The following LAMA3 variants were observed in gnomAD, a reference collection of about 807,000 sequenced individuals.
LAMA3 encodes laminin subunit alpha-3.
In LAMA3, 281 loss-of-function variants were observed where a neutral mutation model predicts 402.0. The observed-to-expected ratio is 0.70, with a 90% confidence interval of 0.63 to 0.77. The LOEUF is 0.77. Ranked by LOEUF, LAMA3 falls within the 30% of genes least tolerant of loss-of-function variation. The probability of loss-of-function intolerance (pLI) is 0.00; values close to 1 mark genes in which losing one functional copy is unlikely to be tolerated. For missense variants in LAMA3, 3,840 were observed against 4,215.5 expected (o/e 0.91, Z 2.47); for synonymous variants, 1,431 against 1,558.4 (o/e 0.92, Z 1.93).
At chr18:23,933,603 C>T (rs972415304) in intron 66 of LAMA3, among the ~76,000 whole-genome samples, 179 bp from the exon 67 acceptor site, 2 of 152,104 alleles carry the variant, frequency 1.3e-5, no homozygotes, top group Non-Finnish European at 2.9e-5. Context: ...CTTGAGTCAC[C>T]CTATTGTGCT....
In LAMA3 at chr18:23,888,937, T is replaced by TAA. The variant is rs1568302545; in HGVS notation, c.5304-1074_5304-1073insAA. Among the ~76,000 whole-genome samples the TAA allele has an allele frequency of 1.5e-3, 126 of 83,678 alleles. 3 individuals are homozygous for TAA. In the South Asian group the frequency reaches 0.038, roughly 25 times the overall value. 54.9% of individuals were successfully genotyped at this position (83,678 alleles called of 152,430 possible). On this transcript the variant is annotated intron_variant, in intron 41 of 74. Transcript: ENST00000313654. The stretch of plus-strand genomic sequence containing the variant: ...AGCATGAATATGTGCTTATTTGACT[T>TAA]TAAAAAAAAAAAAAAATCAAAGAAT...
intron 12 of LAMA3, among the ~76,000 whole-genome samples, chr18:23,801,669 A>G (rs2062868484): frequency 6.6e-6 from 1 of 152,200 alleles, no homozygotes; most frequent in African/African-American, 2.4e-5. Flanking sequence ...CTAATAATGT[A>G]TAATAGTTTC....
In LAMA3 at chr18:23,828,851, A is replaced by G. The variant is rs566963359; in HGVS notation, c.2823+1384A>G. On this transcript the variant is annotated intron_variant, in intron 23 of 74. Coordinates refer to ENST00000313654, the MANE Select transcript of LAMA3 (RefSeq NM_198129.4). Reference sequence around the variant, plus strand: ...AAAACTTTTCAATTGGCTCTTTATCATATTTATTTTTTCTTGTCTTTTCTG... The same window carrying G: ...AAAACTTTTCAATTGGCTCTTTATCGTATTTATTTTTTCTTGTCTTTTCTG... Among the ~76,000 whole-genome samples the G allele has an allele frequency of 2.6e-4, 40 of 152,242 alleles. No individual in the cohort carries two copies. The South Asian group carries it at 8.3e-3, about 32-fold the overall frequency.
At chr18:23,877,820 T>A (rs1247194302) in intron 39 of LAMA3, among the ~76,000 whole-genome samples, 1 of 152,134 alleles carries the variant, frequency 6.6e-6, no homozygotes, top group African/African-American at 2.4e-5. Context: ...TAATTAAGAA[T>A]AAATACGTTG....
At position 23,918,398 on chromosome 18, in the gene LAMA3, CAT is replaced by C. The variant is rs562264913; in HGVS notation, c.7923+1704_7923+1705del. Among the ~76,000 whole-genome samples, 6 of 152,300 alleles carry C rather than the reference CAT, an allele frequency of 3.9e-5. No homozygotes were observed. The East Asian group carries it at 1.2e-3, about 29-fold the overall frequency. Reference sequence around the variant, plus strand: ...AGAATCTACTTATTCTGACCCAAAACATGTGAAAACTTCCTGGGATCTCTAAG... The same window carrying C: ...AGAATCTACTTATTCTGACCCAAAACGTGAAAACTTCCTGGGATCTCTAAG... On this transcript the variant is annotated intron_variant, in intron 60 of 74. Transcript: ENST00000313654. The surrounding 1 kb of genome is among the most constrained non-coding windows in gnomAD (Gnocchi z 4.1).
At position 23,850,677 on chromosome 18, in the gene LAMA3, A is replaced by G. The variant is rs77132324; in HGVS notation, c.4136+3009A>G. Among the ~76,000 whole-genome samples, 395 of 152,344 alleles carry G rather than the reference A, an allele frequency of 2.6e-3. 8 individuals are homozygous for G. In the East Asian group the frequency reaches 0.043, roughly 17 times the overall value. ...TATTGATCAAAACTTCATTTTTTTT[A>G]GCACAACAAGACAGCACATATATCT... On this transcript the variant is annotated intron_variant, in intron 32 of 74. Coordinates refer to ENST00000313654, the MANE Select transcript of LAMA3 (RefSeq NM_198129.4).
At chr18:23,786,302 A>G (rs2062544520) in intron 12 of LAMA3, among the ~76,000 whole-genome samples, 1 of 152,154 alleles carries the variant, frequency 6.6e-6, no homozygotes, top group Non-Finnish European at 1.5e-5. Flanking sequence ...GTTTGGGGCT[A>G]TGGTTTGTTT....
chr18:23,882,459 G>C (rs552451090), intron 40 of LAMA3, among the ~76,000 whole-genome samples: 4 of 151,860 alleles, frequency 2.6e-5, no homozygotes, highest in African/African-American at 9.7e-5. Context: ...GTGAAACCCC[G>C]TCTCTACTGA....
intron 67 of LAMA3, among the ~76,000 whole-genome samples, chr18:23,938,762 C>G (rs2082390627): frequency 6.6e-6 from 1 of 151,920 alleles, no homozygotes; most frequent in African/African-American, 2.4e-5. Context: ...CCAGGTGCGG[C>G]AGCTTTCAGA....
intron 1 of LAMA3, among the ~76,000 whole-genome samples, chr18:23,690,267 A>T (rs2060557632): frequency 6.6e-6 from 1 of 152,128 alleles, no homozygotes; most frequent in Non-Finnish European, 1.5e-5. Flanking sequence ...GCTCTAAGAG[A>T]TGCAGGCGCC....
At chr18:23,694,348 T>C (rs2060646296) in intron 1 of LAMA3, among the ~76,000 whole-genome samples, 2 of 152,158 alleles carry the variant, frequency 1.3e-5, no homozygotes, top group South Asian at 4.1e-4. Flanking sequence ...TGATACCAAA[T>C]ATAGGGGGCA....
At chr18:23,734,407 C>T (rs2061440152) in intron 2 of LAMA3, among the ~76,000 whole-genome samples, 1 of 152,216 alleles carries the variant, frequency 6.6e-6, no homozygotes, top group Admixed American at 6.5e-5. Flanking sequence ...TGGAGCAGAG[C>T]CCACCTTCAG....
Position 23,822,241 on chromosome 18 carries a change from G to T in LAMA3, c.2305-11G>T. On this transcript the variant is annotated splice_polypyrimidine_tract_variant and intron_variant, in intron 19 of 74. Transcript: ENST00000313654. ...TTTTTCTATGCTTTATGGCGTTTCG[G>T]TATTTTTCAGAATGATGTAAGAATA... is the stretch of plus-strand genomic sequence containing the variant. 5 of 1,613,814 alleles carry T rather than the reference G, an allele frequency of 3.1e-6. No individual in the cohort carries two copies. The highest frequency in any genetic ancestry group is 4.2e-6 in the Non-Finnish European group (5 of 1,179,810).
chr18:23,949,988 AT>A, intron 71 of LAMA3, 40 bp from the exon 72 acceptor site: 1 of 1,614,036 alleles, frequency 6.2e-7, no homozygotes, highest in Non-Finnish European at 8.5e-7. Flanking sequence ...GTTTTCTTTC[AT>A]GGTGATGCTT....
Position 23,871,861 on chromosome 18 carries a change from C to G in LAMA3, c.4998+200C>G, listed in dbSNP as rs187726928. ...AAGACATCATCAGTGTCTCAGAATT[C>G]ATAGGAAAGCCACAGAGATTCAATA... On this transcript the variant is annotated intron_variant, in intron 38 of 74. Coordinates refer to ENST00000313654, the MANE Select transcript of LAMA3 (RefSeq NM_198129.4). Among the ~76,000 whole-genome samples the G allele has an allele frequency of 7.2e-4, 109 of 152,278 alleles. No individual in the cohort carries two copies. The Middle Eastern group carries it at 0.024, about 33-fold the overall frequency.
At chr18:23,782,811 T>TTC (rs1555693108) in intron 11 of LAMA3, among the ~76,000 whole-genome samples, 28 of 151,310 alleles carry the variant, frequency 1.9e-4, no homozygotes, top group African/African-American at 6.3e-4. Flanking sequence ...TTTTTTTTTT[T>TTC]CATCTATAAA....
chr18:23,950,162 G>A lies in LAMA3; in HGVS notation c.9642+3G>A. On this transcript the variant is annotated splice_donor_region_variant and intron_variant, in intron 72 of 74. Coordinates refer to ENST00000313654, the MANE Select transcript of LAMA3 (RefSeq NM_198129.4). ...GTGTTTACCTGGAGGCAGGAAAGGT[G>A]TGTAGCAGTCTGATGCCATGGGGAG... The A allele has an allele frequency of 6.2e-7, 1 of 1,614,072 alleles. No homozygotes were observed. The highest frequency in any genetic ancestry group is 8.5e-7 in the Non-Finnish European group (1 of 1,179,986).
At chr18:23,871,394 C>A (rs756177591) in intron 37 of LAMA3, 37 bp from the exon 38 acceptor site, 4 of 1,582,544 alleles carry the variant, frequency 2.5e-6, no homozygotes, top group Non-Finnish European at 3.5e-6. Flanking sequence ...AGTGAGCCTG[C>A]CTAAGGAAGA....
chr18:23,895,163 G>T, intron 44 of LAMA3, 105 bp downstream of exon 44: 1 of 1,306,006 alleles, frequency 7.7e-7, no homozygotes, highest in Non-Finnish European at 1.1e-6. Context: ...AGGCTCAGGG[G>T]TTGTCCTCCT....
Sources: allele counts gnomAD v4.1 joint callset (sites outside exome capture counted in the v4.1 genomes callset), GRCh38; gene constraint gnomAD v4.1.1; non-coding constraint Gnocchi (gnomAD v3.1); transcripts MANE v1.5; gene names NCBI Gene and HGNC (gene_info 2026-07-23, HGNC 2026-07-21).